OTOG: variants seen among roughly 807,000 people sequenced by gnomAD.
OTOG encodes the protein otogelin.
A neutral mutation model predicts 313.8 loss-of-function variants in OTOG; 296 were observed. The observed-to-expected ratio is 0.94, with a 90% CI of 0.86 to 1.04. The LOEUF is 1.04. Ranked by LOEUF, OTOG falls within the 50% of genes least tolerant of loss-of-function variation. OTOG has a pLI of 0.00. For synonymous variants in OTOG, 1,533 were observed against 1,554.9 expected, an observed-to-expected ratio of 0.99 and a Z score of 0.33; for missense variants, 3,948 against 3,840.1, an observed-to-expected ratio of 1.03 and a Z score of -0.74.
chr11:17,547,437 CAGCCG>C lies in OTOG; in HGVS notation c.68_72del (p.Ala23ValfsTer51). 1 of 1,390,476 alleles carries C rather than the reference CAGCCG, an allele frequency of 7.2e-7. No individual in the cohort carries two copies. Among genetic ancestry groups the C allele is most frequent in the Non-Finnish European group, 9.3e-7 (1 of 1,077,534 alleles). The allele number at this position is 1,390,476 out of a possible 1,614,324, so 86.1% of individuals were successfully genotyped here. On this transcript the variant is annotated frameshift_variant, in exon 1 of 56. Transcript: ENST00000399397. LOFTEE classifies it high-confidence loss of function. ...GTCTGGCTGCCCTGGGGTGAGCAGG[CAGCCG>C]AGTCCCTGCGGGTGCAGCGCCTCGG...
At chr11:17,562,854 C>A (rs1852218885) in intron 15 of OTOG, among the ~76,000 whole-genome samples, 1 of 152,098 alleles carries the variant, frequency 6.6e-6, no homozygotes, top group African/African-American at 2.4e-5. Flanking sequence ...CTATTTGTGC[C>A]AGAGGCTGAG....
In OTOG at chr11:17,642,243, C is replaced by T. The variant is rs1385995944; in HGVS notation, c.8412C>T (p.Ala2804=). 1 of 1,548,470 alleles carries T rather than the reference C, an allele frequency of 6.5e-7. No homozygotes were observed. The highest frequency in any genetic ancestry group is 1.2e-5 in the South Asian group (1 of 83,686). The part of the protein sequence containing the change: ...SCPPLNETEC[A]KVGGSVVPSL... ...CACCGCTCAATGAGACTGAGTGTGC[C>T]AAGGTCAGTGCCTCCTTCTCCACTG... Residue 2804 remains alanine (A), a synonymous_variant, in exon 53 of 56, where the codon GCC becomes GCT. Transcript: ENST00000399397.
At chr11:17,602,094 G>A in intron 31 of OTOG, 116 bp from the exon 32 acceptor site, 1 of 1,147,906 alleles carries the variant, frequency 8.7e-7, no homozygotes. Context: ...ACACCATCAA[G>A]AGTTCCTCCT....
intron 26 of OTOG, 69 bp from the exon 27 acceptor site, chr11:17,593,541 C>A: frequency 6.5e-7 from 1 of 1,528,134 alleles, no homozygotes; most frequent in South Asian, 1.2e-5. Flanking sequence ...GAGGGCCTGG[C>A]TGCAGGCATA....
At chr11:17,551,515 G>A (rs948005854) in intron 3 of OTOG, among the ~76,000 whole-genome samples, 5 of 152,042 alleles carry the variant, frequency 3.3e-5, no homozygotes, top group African/African-American at 1.2e-4. Flanking sequence ...GCTGTTCTTG[G>A]AAGAACCCCA....
At chr11:17,560,641 T>G in intron 12 of OTOG, 68 bp from the exon 13 acceptor site, 1 of 1,154,356 alleles carries the variant, frequency 8.7e-7, no homozygotes, top group Non-Finnish European at 1.3e-6. Flanking sequence ...TCAGAGGCCC[T>G]GGGGAGCCAC....
intron 39 of OTOG, among the ~76,000 whole-genome samples, chr11:17,625,170 C>T (rs149330827): frequency 1.6e-4 from 24 of 152,298 alleles, no homozygotes; most frequent in African/African-American, 5.3e-4. Context: ...CCTGATTGCT[C>T]TGGCCAGGAC....
intron 15 of OTOG, 61 bp from the exon 16 acceptor site, chr11:17,569,095 C>T (rs1422081468): frequency 3.2e-6 from 5 of 1,541,600 alleles, no homozygotes; most frequent in Non-Finnish European, 4.4e-6. Flanking sequence ...CTAGAGGGCT[C>T]TGTTGTATCC....
chr11:17,602,423 G>A (rs1005779130), intron 32 of OTOG, 46 bp downstream of exon 32: 1 of 1,526,666 alleles, frequency 6.6e-7, no homozygotes, highest in Non-Finnish European at 8.8e-7. Flanking sequence ...GGAGGCAGGA[G>A]GGTGCTAGAG....
intron 39 of OTOG, among the ~76,000 whole-genome samples, chr11:17,628,168 T>G (rs1854030384): frequency 6.6e-6 from 1 of 152,146 alleles, no homozygotes. Context: ...ATATTTGAAG[T>G]TTTTCTTCTT....
At position 17,611,164 on chromosome 11, in the gene OTOG, G is replaced by T; in HGVS notation, c.5864G>T (p.Gly1955Val). 2 of 1,550,524 alleles carry T rather than the reference G, an allele frequency of 1.3e-6. No individual in the cohort carries two copies. The highest frequency in any genetic ancestry group is 1.2e-5 in the South Asian group (1 of 84,050). ...GCTGAGCCCGAGGGAGCCCAGGCAGGCACAGCTCTGCCAGTGCCCACATCC... is the reference window on the plus strand; with the variant it reads ...GCTGAGCCCGAGGGAGCCCAGGCAGTCACAGCTCTGCCAGTGCCCACATCC... The part of the protein sequence containing the change: ...LVAEPEGAQA[G>V]TALPVPTSYA... Residue 1955 changes from glycine to valine, a missense_variant, in exon 36 of 56, where the codon GGC becomes GTC. Transcript: ENST00000399397.
At chr11:17,581,555 T>G (rs1008253053) in intron 23 of OTOG, among the ~76,000 whole-genome samples, 3 of 152,212 alleles carry the variant, frequency 2.0e-5, no homozygotes, top group African/African-American at 7.2e-5. Flanking sequence ...TGGTCCTCCT[T>G]AAATAGGGAG....
chr11:17,547,412 G>T lies in OTOG; in HGVS notation c.40G>T (p.Val14Phe). The T allele has an allele frequency of 2.8e-6, 4 of 1,421,550 alleles. No homozygotes were observed. The highest frequency in any genetic ancestry group is 3.7e-6 in the Non-Finnish European group (4 of 1,092,744). The allele number at this position is 1,421,550 out of a possible 1,614,324, so 88.1% of individuals were successfully genotyped here. Residue 14 changes from valine (V) to phenylalanine (F), a missense_variant, in exon 1 of 56, where the codon GTC (valine) becomes TTC (phenylalanine). By Grantham distance (50) the Val-to-Phe change is conservative (BLOSUM62 -1). Coordinates refer to ENST00000399397, the MANE Select transcript of OTOG (RefSeq NM_001292063.2). ...LASALCWLLC[V>F]WLPWGEQAAE... ...GTCTGCGCTCTGCTGGCTGCTTTGT[G>T]TCTGGCTGCCCTGGGGTGAGCAGGC...
In OTOG at chr11:17,646,029, A is replaced by C; in HGVS notation, c.*85A>C. On this transcript the variant is annotated 3_prime_UTR_variant, in exon 56 of 56. Coordinates refer to ENST00000399397, the MANE Select transcript of OTOG (RefSeq NM_001292063.2). ...GGCCCAATGTGAATGGGGGTATTAAAGGTGGTAGAAATCTGGCACGTGTTG... is the reference window on the plus strand; with the variant it reads ...GGCCCAATGTGAATGGGGGTATTAACGGTGGTAGAAATCTGGCACGTGTTG... 7.3e-7 allele frequency: 1 copy of C among 1,361,116 alleles called. No homozygotes were observed. The highest frequency in any genetic ancestry group is 1.0e-6 in the Non-Finnish European group (1 of 992,118). The allele number at this position is 1,361,116 out of a possible 1,614,324, so 84.3% of individuals were successfully genotyped here.
At position 17,609,872 on chromosome 11, in the gene OTOG, C is replaced by A. The variant is rs1853481922; in HGVS notation, c.4572C>A (p.Gly1524=). ...CTGAGGAGCCAGTGGTGTCTCCAGG[C>A]CCCACCCAGACCACCCTGCAGCAGC... ...TATEEPVVSP[G]PTQTTLQQPL... The change falls in exon 36 of 56, where the codon GGC becomes GGA. Residue 1524 remains glycine, a synonymous_variant. Transcript: ENST00000399397. 1 of 1,516,088 alleles carries A rather than the reference C, an allele frequency of 6.6e-7. No homozygotes were observed. Among genetic ancestry groups the A allele is most frequent in the African/African-American group, 1.4e-5 (1 of 72,594 alleles). 93.9% of individuals were successfully genotyped at this position (1,516,088 alleles called of 1,614,324 possible).
chr11:17,574,685 G>T, intron 19 of OTOG, 35 bp from the exon 20 acceptor site: 1 of 1,532,790 alleles, frequency 6.5e-7, no homozygotes, highest in Non-Finnish European at 8.8e-7. Flanking sequence ...GGGGATGAGG[G>T]AGACAAAGCA....
intron 33 of OTOG, 92 bp downstream of exon 33, chr11:17,606,227 C>T (rs1853386047): frequency 1.4e-6 from 2 of 1,399,158 alleles, no homozygotes; most frequent in African/African-American, 2.9e-5. Flanking sequence ...TCCAATTACC[C>T]CTAAGAAGCA....
In OTOG at chr11:17,641,927, C is replaced by A. The variant is rs1472454204; in HGVS notation, c.8271C>A (p.Pro2757=). 2 of 1,550,204 alleles carry A rather than the reference C, an allele frequency of 1.3e-6. No homozygotes were observed. Among genetic ancestry groups the A allele is most frequent in the South Asian group, 1.2e-5 (1 of 84,046 alleles). ...CRNVSCLFTF[P]NGTTSLFLPG... ...ACGTGTCCTGTCTCTTCACCTTCCC[C>A]AATGGCACCACCTCCCTGTTCTTGG... Residue 2757 remains proline, a synonymous_variant, in exon 52 of 56, where the codon CCC becomes CCA. Coordinates refer to ENST00000399397, the MANE Select transcript of OTOG (RefSeq NM_001292063.2).
chr11:17,611,086 G>A lies in OTOG; in HGVS notation c.5786G>A (p.Gly1929Asp), dbSNP rs1326673378. ...ACTTCCATGTATGGTTCTGCAGAGG[G>A]TGGGCCCACAGAGCTCACGCCTGCT... The part of the protein sequence containing the change: ...LPTSMYGSAE[G>D]GPTELTPATS... The change falls in exon 36 of 56, where the codon GGT (glycine) becomes GAT (aspartate). Residue 1929 changes from glycine to aspartate, a missense_variant. Gly to Asp is a moderately conservative substitution (Grantham distance 94, BLOSUM62 -1). Transcript: ENST00000399397. The A allele has an allele frequency of 6.4e-7, 1 of 1,550,530 alleles. No homozygotes were observed. The highest frequency in any genetic ancestry group is 2.4e-5 in the East Asian group (1 of 40,914).
Sources: allele counts gnomAD v4.1 joint callset (sites outside exome capture counted in the v4.1 genomes callset), GRCh38; gene constraint gnomAD v4.1.1; transcripts MANE v1.5; gene names NCBI Gene and HGNC (gene_info 2026-07-23, HGNC 2026-07-21).